DMXL1: variants seen among roughly 807,000 people sequenced by gnomAD.
The protein encoded by DMXL1 is dmX-like protein 1.
A neutral mutation model predicts 319.2 loss-of-function variants in DMXL1; 99 were observed. The observed-to-expected ratio is 0.31, with a 90% CI of 0.26 to 0.37. The LOEUF is 0.37. DMXL1 is among the 10% of genes least tolerant of loss of function. The probability of loss-of-function intolerance (pLI) is 1.00; values close to 1 mark genes in which losing one functional copy is unlikely to be tolerated. For synonymous variants in DMXL1, 1,385 were observed against 1,235.2 expected, an observed-to-expected ratio of 1.12 and a Z score of -2.54; for missense variants, 3,745 against 3,595.6, an observed-to-expected ratio of 1.04 and a Z score of -1.06.
intron 28 of DMXL1, among the ~76,000 whole-genome samples, chr5:119,188,220 G>A (rs1778091381): frequency 6.7e-6 from 1 of 150,240 alleles, no homozygotes; most frequent in Non-Finnish European, 1.5e-5. Context: ...CATTGTACGT[G>A]TTTTTTTTTC....
chr5:119,072,287 A>C (rs923687502), intron 1 of DMXL1, among the ~76,000 whole-genome samples: 1 of 152,204 alleles, frequency 6.6e-6, no homozygotes. Context: ...CATTGGTCAC[A>C]TATTGACAAG....
intron 1 of DMXL1, among the ~76,000 whole-genome samples, chr5:119,074,909 C>G (rs1473335900): frequency 1.3e-5 from 2 of 152,134 alleles, no homozygotes; most frequent in African/African-American, 4.8e-5. Flanking sequence ...TATCCATTAG[C>G]AAGTTATACT....
In DMXL1 at chr5:119,102,000, A is replaced by G. The variant is rs1425701225; in HGVS notation, c.279A>G (p.Lys93=). Residue 93 remains lysine (K), a synonymous_variant, in exon 3 of 44, where the codon AAA becomes AAG. Coordinates refer to ENST00000539542, the MANE Select transcript of DMXL1 (RefSeq NM_001290321.3). Reference sequence around the variant, plus strand: ...CAGTTAACCTACCAAAACAAAAGAAAAATTTGGTCAGTAATTTATGATTTC... The same window carrying G: ...CAGTTAACCTACCAAAACAAAAGAAGAATTTGGTCAGTAATTTATGATTTC... The part of the protein sequence containing the change: ...FEPVNLPKQK[K]NLELYSQWQK... 1 of 1,590,406 alleles carries G rather than the reference A, an allele frequency of 6.3e-7. No individual in the cohort carries two copies. The highest frequency in any genetic ancestry group is 2.2e-5 in the East Asian group (1 of 44,566).
Position 119,109,944 on chromosome 5 carries a change from CTTG to C in DMXL1, c.365-204_365-202del, listed in dbSNP as rs373935359. Among the ~76,000 whole-genome samples the C allele has an allele frequency of 3.3e-5, 5 of 152,280 alleles. No individual in the cohort carries two copies. The East Asian group carries it at 9.6e-4, about 29-fold the overall frequency. On this transcript the variant is annotated intron_variant, in intron 4 of 43. Transcript: ENST00000539542. ...GGACAAAGAAGATGCTCATTAAATA[CTTG>C]TTAAGTGAGAGATTATAAGATTTCT...
At chr5:119,225,749 T>C (rs1785429403) in intron 38 of DMXL1, among the ~76,000 whole-genome samples, 1 of 152,144 alleles carries the variant, frequency 6.6e-6, no homozygotes, top group Admixed American at 6.6e-5. Flanking sequence ...CTGTTACTTA[T>C]GCTAGAGGTA....
At position 119,144,561 on chromosome 5, in the gene DMXL1, A is replaced by G. The variant is rs145990487; in HGVS notation, c.2492A>G (p.His831Arg). The G allele has an allele frequency of 2.5e-6, 4 of 1,602,976 alleles. No homozygotes were observed. The highest frequency in any genetic ancestry group is 3.4e-6 in the Non-Finnish European group (4 of 1,176,380). The change falls in exon 15 of 44, where the codon CAT (histidine) becomes CGT (arginine). Residue 831 changes from histidine (H) to arginine (R), a missense_variant. Physicochemically the swap from His to Arg is conservative, Grantham distance 29 (BLOSUM62 0). This residue lies in a region of DMXL1 where 2,096 missense variants were observed against 1,985.4 expected (regional missense o/e 1.06). Coordinates refer to ENST00000539542, the MANE Select transcript of DMXL1 (RefSeq NM_001290321.3). ...CATGGCAGAAAAACCCAACTGCTTCATGTTTTTGAAGAAGACTTCATTTTG... is the reference window on the plus strand; with the variant it reads ...CATGGCAGAAAAACCCAACTGCTTCGTGTTTTTGAAGAAGACTTCATTTTG... ...KLHGRKTQLL[H>R]VFEEDFILNN...
intron 21 of DMXL1, 98 bp from the exon 22 acceptor site, chr5:119,166,518 T>A: frequency 9.7e-7 from 1 of 1,032,982 alleles, no homozygotes; most frequent in South Asian, 1.5e-5. Flanking sequence ...GGCAGATGTT[T>A]CTATTTAGAC....
In DMXL1 at chr5:119,149,295, A is replaced by G. The variant is rs1769251903; in HGVS notation, c.3468A>G (p.Val1156=). 6 of 1,613,996 alleles carry G rather than the reference A, an allele frequency of 3.7e-6. No homozygotes were observed. Among genetic ancestry groups the G allele is most frequent in the Non-Finnish European group, 4.2e-6 (5 of 1,179,904 alleles). Reference sequence around the variant, plus strand: ...AAGACGGTTCTCATATCCTGACTGTAGGAATTGGATCAAAACTTTTTATGT... The same window carrying G: ...AAGACGGTTCTCATATCCTGACTGTGGGAATTGGATCAAAACTTTTTATGT... The part of the protein sequence containing the change: ...SREDGSHILT[V]GIGSKLFMYG... The change falls in exon 18 of 44, where the codon GTA becomes GTG. Residue 1156 remains valine, a synonymous_variant. Transcript: ENST00000539542.
chr5:119,125,609 G>T (rs924278990), intron 9 of DMXL1, among the ~76,000 whole-genome samples: 1 of 152,078 alleles, frequency 6.6e-6, no homozygotes, highest in Non-Finnish European at 1.5e-5. Flanking sequence ...CTGTTGCCCA[G>T]GCTGAAGTGC....
chr5:119,240,358 G>T, intron 41 of DMXL1, 61 bp from the exon 42 acceptor site: 2 of 1,208,826 alleles, frequency 1.7e-6, no homozygotes, highest in South Asian at 2.6e-5. Context: ...AGTTATATAT[G>T]ACATATTTTT....
intron 13 of DMXL1, among the ~76,000 whole-genome samples, chr5:119,140,052 C>T (rs1580966655): frequency 6.6e-6 from 1 of 152,064 alleles, no homozygotes; most frequent in Non-Finnish European, 1.5e-5. Flanking sequence ...AGACAGAAAC[C>T]AAGAAGTTCT....
chr5:119,127,262 G>T, intron 9 of DMXL1: 1 of 221,830 alleles, frequency 4.5e-6, no homozygotes, highest in East Asian at 1.1e-4. Flanking sequence ...AACACCCTTA[G>T]GATACTGCCT....
Position 119,079,026 on chromosome 5 carries a change from A to G in DMXL1, c.87+7370A>G, listed in dbSNP as rs139814704. 9.1e-3 allele frequency among the ~76,000 whole-genome samples: 1,387 copies of G among 152,152 alleles called. 17 individuals are homozygous for G. Among genetic ancestry groups the G allele is most frequent in the South Asian group, 0.027 (128 of 4,816 alleles). The stretch of plus-strand genomic sequence containing the variant: ...GTCTCATGTTCTTTCTTGTTCCTGT[A>G]TATCTCATGAGCACTACTAGACTAT... On this transcript the variant is annotated intron_variant, in intron 1 of 43. Transcript: ENST00000539542.
chr5:119,203,376 G>A lies in DMXL1; in HGVS notation c.7803G>A (p.Gln2601=), dbSNP rs779630323. The A allele has an allele frequency of 6.2e-7, 1 of 1,607,652 alleles. No individual in the cohort carries two copies. The highest frequency in any genetic ancestry group is 1.1e-5 in the South Asian group (1 of 90,164). The change falls in exon 33 of 44, where the codon CAG becomes CAA. Residue 2601 remains glutamine (Q), a synonymous_variant. Coordinates refer to ENST00000539542, the MANE Select transcript of DMXL1 (RefSeq NM_001290321.3). ...GGCTTTGGCAGTATTTGGTGAAGCA[G>A]GAAGAAATTCAGGAAACCTTTATCA... ...VKRLWQYLVK[Q]EEIQETFIKN... is the part of the protein sequence containing the mutation.
At chr5:119,125,254 T>A (rs1174258149) in intron 9 of DMXL1, among the ~76,000 whole-genome samples, 1 of 152,124 alleles carries the variant, frequency 6.6e-6, no homozygotes, top group Non-Finnish European at 1.5e-5. Flanking sequence ...AAAAAGACTT[T>A]TTTTCTCTTC....
chr5:119,114,640 A>G, intron 6 of DMXL1, 99 bp downstream of exon 6: 2 of 816,142 alleles, frequency 2.5e-6, no homozygotes, highest in Non-Finnish European at 3.9e-6. Flanking sequence ...ATTTAACTTG[A>G]AAATAATAGT....
At chr5:119,108,918 C>CA (rs1180081331) in intron 4 of DMXL1, among the ~76,000 whole-genome samples, 1 of 152,094 alleles carries the variant, frequency 6.6e-6, no homozygotes, top group African/African-American at 2.4e-5. Flanking sequence ...TCTCCTGCCT[C>CA]AGCCTCCTGA....
At chr5:119,143,607 A>G (rs1767891153) in intron 13 of DMXL1, among the ~76,000 whole-genome samples, 1 of 152,130 alleles carries the variant, frequency 6.6e-6, no homozygotes, top group Non-Finnish European at 1.5e-5. Flanking sequence ...TTTCCTTAAC[A>G]GTTATCAAGC....
intron 4 of DMXL1, among the ~76,000 whole-genome samples, chr5:119,105,765 C>T (rs1181855415): frequency 2.6e-5 from 4 of 151,946 alleles, no homozygotes; most frequent in Non-Finnish European, 5.9e-5. Flanking sequence ...GGCATAGTGG[C>T]GCATGCCTGT....
Sources: allele counts gnomAD v4.1 joint callset (sites outside exome capture counted in the v4.1 genomes callset), GRCh38; gene constraint gnomAD v4.1.1; regional missense constraint gnomAD v4.1.1; transcripts MANE v1.5; gene names NCBI Gene and HGNC (gene_info 2026-07-23, HGNC 2026-07-21).